Variants in FCHO2 observed in about 807,000 individuals in gnomAD.
FCHO2 encodes the protein FCH and mu domain containing endocytic adaptor 2.
In FCHO2, 43 loss-of-function variants were observed where a neutral mutation model predicts 114.1. The observed-to-expected ratio is 0.38, with a 90% confidence interval of 0.30 to 0.49. The LOEUF is 0.49. Ranked by LOEUF, FCHO2 falls within the 20% of genes least tolerant of loss-of-function variation. The pLI is 0.97. For missense variants in FCHO2, 807 were observed against 950.4 expected, an observed-to-expected ratio of 0.85 and a Z score of 1.98; for synonymous variants, 293 against 315.2, an observed-to-expected ratio of 0.93 and a Z score of 0.75.
intron 2 of FCHO2, among the ~76,000 whole-genome samples, chr5:72,986,294 A>G (rs1236446329): frequency 3.9e-5 from 6 of 152,070 alleles, no homozygotes; most frequent in Admixed American, 6.5e-5. Flanking sequence ...TCTTAAAATG[A>G]CCAGATCTCT....
At chr5:72,971,411 T>C (rs927850370) in intron 2 of FCHO2, among the ~76,000 whole-genome samples, 1 of 152,214 alleles carries the variant, frequency 6.6e-6, no homozygotes, top group Admixed American at 6.5e-5. Context: ...TGTGAGATGG[T>C]ATCTCATTGT....
chr5:73,074,673 A>G (rs1185951701), intron 19 of FCHO2, 69 bp from the exon 20 acceptor site: 7 of 1,410,476 alleles, frequency 5.0e-6, no homozygotes, highest in South Asian at 3.7e-5. Flanking sequence ...AACAATGTGA[A>G]TCTAACTATC....
At chr5:73,015,270 T>C (rs1288893196) in intron 6 of FCHO2, among the ~76,000 whole-genome samples, 1 of 151,300 alleles carries the variant, frequency 6.6e-6, no homozygotes, top group Non-Finnish European at 1.5e-5. Flanking sequence ...TTGATTTCTT[T>C]TTTTTTTTTG....
At chr5:73,024,679 C>T (rs982514285) in intron 8 of FCHO2, among the ~76,000 whole-genome samples, 5 of 151,796 alleles carry the variant, frequency 3.3e-5, no homozygotes, top group African/African-American at 7.3e-5. Flanking sequence ...CCTCATGATC[C>T]GCCCACCTCG....
At chr5:72,981,660 T>C (rs1178242396) in intron 2 of FCHO2, among the ~76,000 whole-genome samples, 1 of 152,266 alleles carries the variant, frequency 6.6e-6, no homozygotes, top group Non-Finnish European at 1.5e-5. Flanking sequence ...TTCTTTTTTC[T>C]CTAATTCTTG....
chr5:73,022,533 C>T (rs1031336493), intron 8 of FCHO2, among the ~76,000 whole-genome samples: 1 of 152,182 alleles, frequency 6.6e-6, no homozygotes, highest in African/African-American at 2.4e-5. Context: ...CATGTGCTGC[C>T]TTATTCATGG....
At position 73,068,686 on chromosome 5, in the gene FCHO2, A is replaced by G. The variant is rs760703578; in HGVS notation, c.1486A>G (p.Ser496Gly). Reference sequence around the variant, plus strand: ...CAGCCCACCTGTAACTTCCAACACCAGCCCACCTCCTGCTGCACCATTAGC... The same window carrying G: ...CAGCCCACCTGTAACTTCCAACACCGGCCCACCTCCTGCTGCACCATTAGC... ...PFSPPVTSNT[S>G]PPPAAPLARA... Residue 496 changes from serine to glycine, a missense_variant, in exon 19 of 26, where the codon AGC becomes GGC. Coordinates refer to ENST00000430046, the MANE Select transcript of FCHO2 (RefSeq NM_138782.3). 9.3e-6 allele frequency: 15 copies of G among 1,612,360 alleles called. No homozygotes were observed. The Admixed American group carries it at 1.8e-4, about 20-fold the overall frequency.
chr5:72,989,193 G>C (rs901165615), intron 2 of FCHO2, among the ~76,000 whole-genome samples: 1 of 152,104 alleles, frequency 6.6e-6, no homozygotes, highest in Non-Finnish European at 1.5e-5. Context: ...CTGGGTGACA[G>C]AGCAAGACTG....
At chr5:72,961,032 G>A (rs1198226229) in intron 1 of FCHO2, among the ~76,000 whole-genome samples, 2 of 152,028 alleles carry the variant, frequency 1.3e-5, no homozygotes, top group Admixed American at 6.5e-5. Flanking sequence ...CTGATTAACT[G>A]TACAGAAGTC....
intron 8 of FCHO2, among the ~76,000 whole-genome samples, chr5:73,027,022 T>TTTG (rs1561459678): frequency 1.4e-5 from 2 of 143,930 alleles, no homozygotes; most frequent in Non-Finnish European, 3.0e-5. Context: ...TTGTTTGTTT[T>TTTG]TTTTTTTTTT....
At position 72,964,199 on chromosome 5, in the gene FCHO2, T is replaced by C. The variant is rs559603760; in HGVS notation, c.34-4299T>C. Among the ~76,000 whole-genome samples, 14 of 152,262 alleles carry C rather than the reference T, an allele frequency of 9.2e-5. No individual in the cohort carries two copies. The South Asian group carries it at 2.3e-3, about 25-fold the overall frequency. On this transcript the variant is annotated intron_variant, in intron 1 of 25. Transcript: ENST00000430046. The stretch of plus-strand genomic sequence containing the variant: ...CATATAATATTTATTTAGATAGCTT[T>C]AAGGATTCAACTAACTGGCAGAGGT...
chr5:72,961,391 G>A (rs1751854120), intron 1 of FCHO2, among the ~76,000 whole-genome samples: 1 of 152,048 alleles, frequency 6.6e-6, no homozygotes, highest in Admixed American at 6.5e-5. Context: ...TCCAAATATT[G>A]TAGTTTGGGA....
chr5:72,980,081 T>G (rs1753118853), intron 2 of FCHO2, among the ~76,000 whole-genome samples: 1 of 152,234 alleles, frequency 6.6e-6, no homozygotes, highest in Non-Finnish European at 1.5e-5. Flanking sequence ...TTGTGGGCAT[T>G]TAGTGCTATA....
At chr5:73,040,152 C>T (rs985072803) in intron 10 of FCHO2, among the ~76,000 whole-genome samples, 1 of 152,068 alleles carries the variant, frequency 6.6e-6, no homozygotes, top group Non-Finnish European at 1.5e-5. Context: ...TGGCGTTTAT[C>T]TGTTTGTATA....
intron 17 of FCHO2, among the ~76,000 whole-genome samples, chr5:73,059,690 T>C (rs536663766): frequency 6.6e-6 from 1 of 152,132 alleles, no homozygotes; most frequent in African/African-American, 2.4e-5. Flanking sequence ...GGGAAGGTAA[T>C]CTGTACTTAA....
intron 5 of FCHO2, among the ~76,000 whole-genome samples, chr5:73,005,119 C>T (rs1020764405): frequency 2.0e-5 from 3 of 152,110 alleles, no homozygotes; most frequent in Non-Finnish European, 4.4e-5. Context: ...CAGGAAAGTA[C>T]ATAACATATA....
At chr5:73,054,889 C>A (rs1485753930) in intron 15 of FCHO2, among the ~76,000 whole-genome samples, 1 of 152,040 alleles carries the variant, frequency 6.6e-6, no homozygotes, top group Non-Finnish European at 1.5e-5. Context: ...TTGAATTTTA[C>A]CTATTTTTAA....
chr5:73,077,644 A>G (rs1742956594), intron 21 of FCHO2, among the ~76,000 whole-genome samples, 151 bp downstream of exon 21: 1 of 152,162 alleles, frequency 6.6e-6, no homozygotes, highest in Non-Finnish European at 1.5e-5. Flanking sequence ...AGCCTGAGCA[A>G]TGTGGCAAAA....
At chr5:73,021,081 A>G (rs1049444442) in intron 8 of FCHO2, 3 of 853,190 alleles carry the variant, frequency 3.5e-6, no homozygotes, top group Admixed American at 3.4e-5. Context: ...GAAAGAAGAC[A>G]TTGATGATTC....
Sources: gnomAD v4.1 joint callset for allele counts (sites outside exome capture counted in the v4.1 genomes callset) on GRCh38, gnomAD v4.1.1 for gene constraint, MANE v1.5 for transcripts, NCBI Gene and HGNC (gene_info 2026-07-23, HGNC 2026-07-21) for gene names.